CEBPZ: variants seen among roughly 807,000 people sequenced by gnomAD.
The protein encoded by CEBPZ is CCAAT enhancer binding protein zeta.
A neutral mutation model predicts 104.5 loss-of-function variants in CEBPZ; 78 were observed. That is an observed-to-expected ratio of 0.75 (90% CI 0.62 to 0.90). CEBPZ has a LOEUF of 0.90. Among genes scored for constraint, CEBPZ ranks in the 40% least tolerant of loss-of-function variants. The pLI, the probability that CEBPZ is intolerant of heterozygous loss-of-function variation, is 0.00. For missense variants in CEBPZ, 1,439 were observed against 1,233.5 expected (o/e 1.17, Z -2.50); for synonymous variants, 470 against 427.0 (o/e 1.10, Z -1.24).
At chr2:37,227,478 C>CCT (rs1664915390) in intron 2 of CEBPZ, 66 bp downstream of exon 2, 1 of 1,465,352 alleles carries the variant, frequency 6.8e-7, no homozygotes, top group Admixed American at 2.4e-5. Flanking sequence ...CCACAGAGGG[C>CCT]ACTGCTTGTG....
chr2:37,205,974 C>G (rs1324555208), intron 13 of CEBPZ, among the ~76,000 whole-genome samples: 2 of 152,140 alleles, frequency 1.3e-5, no homozygotes, highest in African/African-American at 4.8e-5. Flanking sequence ...TAACAGGTGT[C>G]TGAAAAATGC....
intron 15 of CEBPZ, 152 bp downstream of exon 15, chr2:37,202,632 G>A: frequency 2.5e-6 from 1 of 402,336 alleles, no homozygotes; most frequent in South Asian, 3.4e-5. Context: ...GCAAGGGAGT[G>A]AGACGCTGTC....
At position 37,202,760 on chromosome 2, in the gene CEBPZ, A is replaced by G. The variant is rs368519805; in HGVS notation, c.3025+24T>C. 3.6e-4 allele frequency: 516 copies of G among 1,433,850 alleles called. 1 individual carries two copies. The highest frequency in any genetic ancestry group is 4.6e-4 in the Non-Finnish European group (487 of 1,059,410). 88.8% of individuals were successfully genotyped at this position (1,433,850 alleles called of 1,614,324 possible). ...AAGCCAAAGCTATTTTTAAAACATC[A>G]ATAAAAAAATTTAAGTTACTTACTT... On this transcript the variant is annotated intron_variant, in intron 15 of 15. Transcript: ENST00000234170.
chr2:37,220,685 C>G (rs1295023332), intron 4 of CEBPZ, among the ~76,000 whole-genome samples: 1 of 152,108 alleles, frequency 6.6e-6, no homozygotes. Context: ...CATGTTTATC[C>G]CAAACACCAA....
intron 2 of CEBPZ, 89 bp from the exon 3 acceptor site, chr2:37,223,490 CT>C: frequency 9.1e-7 from 1 of 1,102,346 alleles, no homozygotes; most frequent in Non-Finnish European, 1.3e-6. Context: ...CTAACCTCAT[CT>C]TAGTTAGGGA....
chr2:37,214,078 A>C, intron 9 of CEBPZ, 117 bp from the exon 10 acceptor site: 1 of 492,448 alleles, frequency 2.0e-6, no homozygotes, highest in Non-Finnish European at 3.5e-6. Context: ...AGTATACTCA[A>C]TTGGAAATAA....
Position 37,211,496 on chromosome 2 carries a change from CCTT to C in CEBPZ, c.2800+344_2800+346del, listed in dbSNP as rs370339287. On this transcript the variant is annotated intron_variant, in intron 12 of 15. Transcript: ENST00000234170. ...GCTAATTTACAAGATAAAATATTCA[CCTT>C]CATCTATGCTGGGCTATGATGAATA... The C allele has an allele frequency of 2.8e-3, 685 of 240,820 alleles. 4 individuals are homozygous for C. Among genetic ancestry groups the C allele is most frequent in the African/African-American group, 0.014 (645 of 44,806 alleles). 14.9% of individuals were successfully genotyped at this position (240,820 alleles called of 1,614,324 possible).
intron 13 of CEBPZ, among the ~76,000 whole-genome samples, chr2:37,208,634 A>T (rs1396040184): frequency 2.0e-5 from 3 of 152,174 alleles, no homozygotes; most frequent in Non-Finnish European, 4.4e-5. Flanking sequence ...CATACAAGGG[A>T]CGTACCTTAA....
Position 37,227,976 on chromosome 2 carries a change from A to C in CEBPZ, c.1217T>G (p.Leu406Ter). ...NRIATKASHL[L>*]ETLLCKHPNM... ...GGGATGTTTACAAAGTAATGTCTCTAACAGATGGGATGCTTTTGTGGCAAT... is the reference window on the plus strand; with the variant it reads ...GGGATGTTTACAAAGTAATGTCTCTCACAGATGGGATGCTTTTGTGGCAAT... The change falls in exon 2 of 16, where the codon TTA (leucine) becomes TGA (stop). Residue 406 changes from leucine to a stop codon, truncating the protein, a stop_gained. Coordinates refer to ENST00000234170, the MANE Select transcript of CEBPZ (RefSeq NM_005760.3). LOFTEE classifies it high-confidence loss of function. The C allele has an allele frequency of 1.2e-6, 2 of 1,614,180 alleles. No individual in the cohort carries two copies. The highest frequency in any genetic ancestry group is 1.7e-6 in the Non-Finnish European group (2 of 1,180,032).
At chr2:37,217,213 A>G in intron 5 of CEBPZ, among the ~76,000 whole-genome samples, 176 bp from the exon 6 acceptor site, 1 of 152,028 alleles carries the variant, frequency 6.6e-6, no homozygotes, top group East Asian at 1.9e-4. Context: ...CCTGGGCAAT[A>G]TGGCGAAACC....
chr2:37,217,116 G>A, intron 5 of CEBPZ, 79 bp from the exon 6 acceptor site: 1 of 1,249,326 alleles, frequency 8.0e-7, no homozygotes, highest in Admixed American at 1.8e-5. Context: ...AAGAAAATCG[G>A]GCTGGGTGTG....
chr2:37,223,494 G>C, intron 2 of CEBPZ, 93 bp from the exon 3 acceptor site: 4 of 1,064,742 alleles, frequency 3.8e-6, no homozygotes, highest in Non-Finnish European at 4.1e-6. Flanking sequence ...CCTCATCTTA[G>C]TTAGGGATAA....
In CEBPZ at chr2:37,201,820, GTTTC is replaced by G; in HGVS notation, c.3105_3108del (p.Lys1035AsnfsTer24). 2 of 1,595,188 alleles carry G rather than the reference GTTTC, an allele frequency of 1.3e-6. No homozygotes were observed. The highest frequency in any genetic ancestry group is 1.7e-6 in the Non-Finnish European group (2 of 1,162,790). On this transcript the variant is annotated frameshift_variant, in exon 16 of 16. Coordinates refer to ENST00000234170, the MANE Select transcript of CEBPZ (RefSeq NM_005760.3). LOFTEE classifies it high-confidence loss of function. The stretch of plus-strand genomic sequence containing the variant: ...GTTTTAATCCTCTTCTTTTTAAAAT[GTTTC>G]TTTTTCTTGATGATACTTTTTGCAT...
intron 4 of CEBPZ, 65 bp downstream of exon 4, chr2:37,222,315 T>A: frequency 2.6e-5 from 33 of 1,261,170 alleles, no homozygotes; most frequent in Non-Finnish European, 3.5e-5. Flanking sequence ...AATGGTAGAA[T>A]GCTATTTTCT....
At position 37,216,144 on chromosome 2, in the gene CEBPZ, A is replaced by G. The variant is rs754721661; in HGVS notation, c.2376T>C (p.Leu792=). The part of the protein sequence containing the change: ...RKHFIKDIRH[L]PVNSKEFLAK... ...CTGTCTAAGGTTTATACTTACCAGGAAGATGACGAATATCCTTAATAAAAT... is the reference window on the plus strand; with the variant it reads ...CTGTCTAAGGTTTATACTTACCAGGGAGATGACGAATATCCTTAATAAAAT... The change falls in exon 8 of 16, where the codon CTT becomes CTC. Residue 792 remains leucine (L), a synonymous_variant. Coordinates refer to ENST00000234170, the MANE Select transcript of CEBPZ (RefSeq NM_005760.3). 1.2e-6 allele frequency: 2 copies of G among 1,608,836 alleles called. No individual in the cohort carries two copies. Among genetic ancestry groups the G allele is most frequent in the Non-Finnish European group, 1.7e-6 (2 of 1,176,492 alleles).
intron 5 of CEBPZ, among the ~76,000 whole-genome samples, chr2:37,219,629 G>C (rs999542792): frequency 2.0e-5 from 3 of 152,146 alleles, no homozygotes; most frequent in African/African-American, 7.2e-5. Flanking sequence ...GGAACTCTTA[G>C]TGGTCTGGCC....
chr2:37,214,919 CT>C lies in CEBPZ; in HGVS notation c.2413del (p.Ser805AlafsTer32). On this transcript the variant is annotated frameshift_variant, in exon 9 of 16. Coordinates refer to ENST00000234170, the MANE Select transcript of CEBPZ (RefSeq NM_005760.3). LOFTEE classifies it high-confidence loss of function. Reference sequence around the variant, plus strand: ...AAACACTTCATCCACTGGTATTTGGCTTTCTTCTTTTGCAAGGAACTCCTTA... The same window carrying C: ...AAACACTTCATCCACTGGTATTTGGCTTCTTCTTTTGCAAGGAACTCCTTA... ...NSKEFLAKEE[S>X]QIPVDEVFFH... 1 of 1,610,822 alleles carries C rather than the reference CT, an allele frequency of 6.2e-7. No homozygotes were observed. The highest frequency in any genetic ancestry group is 8.5e-7 in the Non-Finnish European group (1 of 1,177,310).
At chr2:37,225,911 G>A (rs1233924495) in intron 2 of CEBPZ, among the ~76,000 whole-genome samples, 1 of 122,310 alleles carries the variant, frequency 8.2e-6, no homozygotes, top group East Asian at 2.2e-4. Context: ...GGCTGGAGGT[G>A]GGACCTGTGG....
At chr2:37,207,552 G>C (rs1412351196) in intron 13 of CEBPZ, among the ~76,000 whole-genome samples, 1 of 152,172 alleles carries the variant, frequency 6.6e-6, no homozygotes, top group African/African-American at 2.4e-5. Context: ...GCTCTTGAAT[G>C]ATCTTTGTGT....
Sources: allele counts gnomAD v4.1 joint callset (sites outside exome capture counted in the v4.1 genomes callset), GRCh38; gene constraint gnomAD v4.1.1; transcripts MANE v1.5; gene names NCBI Gene and HGNC (gene_info 2026-07-23, HGNC 2026-07-21).